The following TLE6 variants were observed in gnomAD, a reference collection of about 807,000 sequenced individuals.
TLE6 encodes TLE family member 6, subcortical maternal complex member.
TLE6 carries 72 observed loss-of-function variants against 77.1 expected under a neutral mutation model. The ratio of observed to expected loss-of-function variants is 0.93; its 90% confidence interval spans 0.77 to 1.14. TLE6 has a LOEUF of 1.14. TLE6 is among the 50% of genes most tolerant of loss of function. The pLI is 0.00. For missense variants in TLE6, 843 were observed against 747.6 expected (o/e 1.13, Z -1.49); for synonymous variants, 366 against 287.3 (o/e 1.27, Z -2.77).
chr19:2,994,907 AGAT>A lies in TLE6; in HGVS notation c.1624_1626del (p.Met542del), dbSNP rs752159283. The A allele has an allele frequency of 2.5e-6, 4 of 1,597,456 alleles. No homozygotes were observed. Among genetic ancestry groups the A allele is most frequent in the Non-Finnish European group, 3.4e-6 (4 of 1,171,810 alleles). On this transcript the variant is annotated inframe_deletion, in exon 17 of 17. Transcript: ENST00000246112. The stretch of plus-strand genomic sequence containing the variant: ...CCACTGCCCCCCCTCCAGGTGCCTG[AGAT>A]GTCTCCAGTCACGTGCTGTGACGTC...
At chr19:2,987,300 A>G (rs1332401643) in intron 7 of TLE6, 56 bp from the exon 8 acceptor site, 153 of 1,614,074 alleles carry the variant, frequency 9.5e-5, no homozygotes, top group South Asian at 3.2e-4. Flanking sequence ...GGGGCTGTGC[A>G]GTGAACCCTG....
chr19:2,979,807 C>T (rs1295777302), intron 2 of TLE6, among the ~76,000 whole-genome samples: 5 of 39,786 alleles, frequency 1.3e-4, no homozygotes, highest in Admixed American at 7.2e-4. Context: ...GGTGTGTTGC[C>T]GGGGGCGGGC....
At chr19:2,988,895 G>C in intron 11 of TLE6, 166 bp from the exon 12 acceptor site, 1 of 999,116 alleles carries the variant, frequency 1.0e-6, no homozygotes, top group East Asian at 2.6e-5. Context: ...GACAATACTT[G>C]AAGGAATATG....
In TLE6 at chr19:2,995,031, C is replaced by T. The variant is rs73919238; in HGVS notation, c.*27C>T. 11,575 of 1,434,726 alleles carry T rather than the reference C, an allele frequency of 8.1e-3. 610 individuals are homozygous for T. In the African/African-American group the frequency reaches 0.13, roughly 16 times the overall value. The allele number at this position is 1,434,726 out of a possible 1,614,324, so 88.9% of individuals were successfully genotyped here. A position where few individuals can be genotyped will look rare whatever the true frequency, so the allele number is the denominator to read the frequency against. On this transcript the variant is annotated 3_prime_UTR_variant, in exon 17 of 17. Transcript: ENST00000246112. Reference sequence around the variant, plus strand: ...GGGCCTCGCTGCTGTCATCCCACTCCGGCTCCTCTTTTCATCCCCCCCCTT... The same window carrying T: ...GGGCCTCGCTGCTGTCATCCCACTCTGGCTCCTCTTTTCATCCCCCCCCTT...
intron 14 of TLE6, 128 bp from the exon 15 acceptor site, chr19:2,993,304 C>T: frequency 1.0e-6 from 1 of 965,712 alleles, no homozygotes; most frequent in East Asian, 2.9e-5. Flanking sequence ...AGTTGCTTGT[C>T]CCAGGGCTGC....
Position 2,981,556 on chromosome 19 carries a change from T to C in TLE6, c.153T>C (p.Ala51=), listed in dbSNP as rs774508768. The change falls in exon 4 of 17, where the codon GCT becomes GCC. Residue 51 remains alanine (A), a synonymous_variant. Transcript: ENST00000246112. ...KQFPRFSPHF[A]AELESIYYSL... ...CCCTCAGGTTTTCTCCTCATTTTGC[T>C]GCGGAGTTGGAGAGCATTTACTACT... 11 of 1,551,440 alleles carry C rather than the reference T, an allele frequency of 7.1e-6. No homozygotes were observed. The highest frequency in any genetic ancestry group is 3.3e-4 in the Middle Eastern group (2 of 6,014).
intron 11 of TLE6, 141 bp from the exon 12 acceptor site, chr19:2,988,920 G>A (rs531808877): frequency 1.9e-5 from 12 of 626,052 alleles, no homozygotes; most frequent in East Asian, 1.2e-4. Flanking sequence ...GGACATTGAG[G>A]GGAGTCTAGA....
chr19:2,979,956 T>A, intron 2 of TLE6, 144 bp from the exon 3 acceptor site: 1 of 474,478 alleles, frequency 2.1e-6, no homozygotes, highest in Non-Finnish European at 3.6e-6. Context: ...AGAGCAAGAC[T>A]CGGTTTCCAA....
intron 5 of TLE6, among the ~76,000 whole-genome samples, chr19:2,986,628 C>A (rs1174128288): frequency 2.6e-5 from 4 of 151,846 alleles, no homozygotes; most frequent in African/African-American, 9.7e-5. Flanking sequence ...GCAGGAGAAC[C>A]ACTTGAACCT....
At chr19:2,990,832 C>T (rs1309860259) in intron 13 of TLE6, among the ~76,000 whole-genome samples, 1 of 150,766 alleles carries the variant, frequency 6.6e-6, no homozygotes, top group Non-Finnish European at 1.5e-5. Context: ...GAAACCCCCT[C>T]TCTACTAAAA....
At chr19:2,983,915 G>T (rs1272424577) in intron 5 of TLE6, 1 of 152,354 alleles carries the variant, frequency 6.6e-6, no homozygotes, top group South Asian at 2.1e-4. Flanking sequence ...GATACGCAGG[G>T]GGTGAGGGCT....
At chr19:2,992,597 CCT>C (rs1370059992) in intron 14 of TLE6, among the ~76,000 whole-genome samples, 1 of 151,462 alleles carries the variant, frequency 6.6e-6, no homozygotes. Flanking sequence ...ATAGTGAGAC[CCT>C]GTTTCTACAA....
intron 14 of TLE6, among the ~76,000 whole-genome samples, chr19:2,993,026 T>TAAAAAAAA (rs377287142): frequency 6.2e-5 from 3 of 48,340 alleles, no homozygotes; most frequent in African/African-American, 1.4e-4. Context: ...CCGTCTCTAC[T>TAAAAAAAA]AAAAAAAAAA....
Position 2,995,176 on chromosome 19 carries a change from G to A in TLE6, c.*172G>A, listed in dbSNP as rs1185584967. 8 of 481,626 alleles carry A rather than the reference G, an allele frequency of 1.7e-5. No homozygotes were observed. Among genetic ancestry groups the A allele is most frequent in the Admixed American group, 6.7e-5 (2 of 30,014 alleles). The allele number at this position is 481,626 out of a possible 1,614,324, so 29.8% of individuals were successfully genotyped here. On this transcript the variant is annotated 3_prime_UTR_variant, in exon 17 of 17. Transcript: ENST00000246112. ...CACGTGTAATAAAGCACCCGGGAAA[G>A]GCAGAGTGTGGACGCGTCCTGTCCT... is the stretch of plus-strand genomic sequence containing the variant.
rs375629182 is a variant in TLE6, at chr19:2,978,214, T to A, written c.-20T>A. On this transcript the variant is annotated 5_prime_UTR_variant, in exon 2 of 17. Coordinates refer to ENST00000246112, the MANE Select transcript of TLE6 (RefSeq NM_001143986.2). ...TTGTTTTAGACTCTGGCTAAAGTCTTGGAGGCTACTGCCTTGAAGATGACC... is the reference window on the plus strand; with the variant it reads ...TTGTTTTAGACTCTGGCTAAAGTCTAGGAGGCTACTGCCTTGAAGATGACC... 59 of 1,551,340 alleles carry A rather than the reference T, an allele frequency of 3.8e-5. No homozygotes were observed. The East Asian group carries it at 5.4e-4, about 14-fold the overall frequency.
chr19:2,982,192 G>C lies in TLE6; in HGVS notation c.222+3G>C. The C allele has an allele frequency of 1.3e-6, 2 of 1,551,330 alleles. No homozygotes were observed. Among genetic ancestry groups the C allele is most frequent in the Non-Finnish European group, 1.7e-6 (2 of 1,146,938 alleles). ...ATGTGGCAGAACATCACAAGCAGGT[G>C]GGTGACCAGGAGCTCAGGGGTGCGG... On this transcript the variant is annotated splice_donor_region_variant and intron_variant, in intron 5 of 16. Transcript: ENST00000246112.
In TLE6 at chr19:2,980,164, G is replaced by A. The variant is rs929618970; in HGVS notation, c.116G>A (p.Arg39Gln). ...CTGAATTATCAGGGCATTCTAAATC[G>A]GCTCAAGCAGTTCCCCAGGTGAGAG... ...PTLNYQGILN[R>Q]LKQFPRFSPH... Residue 39 changes from arginine to glutamine, a missense_variant, in exon 3 of 17, where the codon CGG (arginine) becomes CAG (glutamine). Coordinates refer to ENST00000246112, the MANE Select transcript of TLE6 (RefSeq NM_001143986.2). 56 of 1,547,664 alleles carry A rather than the reference G, an allele frequency of 3.6e-5. No individual in the cohort carries two copies. Among genetic ancestry groups the A allele is most frequent in the East Asian group, 7.4e-5 (3 of 40,698 alleles).
In TLE6 at chr19:2,980,196, CAGG is replaced by C; in HGVS notation, c.134+15_134+17del. The C allele has an allele frequency of 6.5e-7, 1 of 1,544,364 alleles. No individual in the cohort carries two copies. The highest frequency in any genetic ancestry group is 8.8e-7 in the Non-Finnish European group (1 of 1,142,372). On this transcript the variant is annotated intron_variant, in intron 3 of 16. Coordinates refer to ENST00000246112, the MANE Select transcript of TLE6 (RefSeq NM_001143986.2). ...GCAGTTCCCCAGGTGAGAGCAATTC[CAGG>C]GGCCGGAGGTCTCACGCTGGGAAGG...
At position 2,981,307 on chromosome 19, in the gene TLE6, A is replaced by G. The variant is rs1362807137; in HGVS notation, c.135-231A>G. On this transcript the variant is annotated intron_variant, in intron 3 of 16. Coordinates refer to ENST00000246112, the MANE Select transcript of TLE6 (RefSeq NM_001143986.2). ...CCCAGGAGGCGGAGGTTGCAGTGAC[A>G]CTGCACTCCAGCCTGGGTGACAAGA... Among the ~76,000 whole-genome samples the G allele has an allele frequency of 2.0e-5, 3 of 150,250 alleles. No homozygotes were observed. The East Asian group carries it at 6.0e-4, about 30-fold the overall frequency.
Sources: gnomAD v4.1 joint callset for allele counts (sites outside exome capture counted in the v4.1 genomes callset) on GRCh38, gnomAD v4.1.1 for gene constraint, MANE v1.5 for transcripts, NCBI Gene and HGNC (gene_info 2026-07-23, HGNC 2026-07-21) for gene names.